The following DNAJA4 variants were observed in gnomAD, a reference collection of about 807,000 sequenced individuals.
DNAJA4 encodes the protein dnaJ homolog subfamily A member 4.
DNAJA4 carries 32 observed loss-of-function variants against 39.7 expected under a neutral mutation model. The observed-to-expected ratio is 0.81, with a 90% CI of 0.61 to 1.08. The LOEUF (loss-of-function observed/expected upper bound fraction) is 1.08, where lower values mean the gene tolerates loss of function less well. Among genes scored for constraint, DNAJA4 ranks in the 50% least tolerant of loss-of-function variants. The pLI is 0.00. For synonymous variants in DNAJA4, 184 were observed against 182.4 expected (o/e 1.01, Z -0.07); for missense variants, 439 against 505.1 (o/e 0.87, Z 1.25).
chr15:78,278,417 TCA>T, intron 5 of DNAJA4: 1 of 405,966 alleles, frequency 2.5e-6, no homozygotes, highest in Non-Finnish European at 5.0e-6. Flanking sequence ...TAGAATGTAC[TCA>T]CACAGACCTA....
Position 78,265,665 on chromosome 15 carries a change from A to G in DNAJA4, c.132+770A>G, listed in dbSNP as rs964400329. ...TTGCTTTTTATCTCTAAAGAGGCTC[A>G]TGACCCACCTGAATAGGTGAATTGA... On this transcript the variant is annotated intron_variant, in intron 1 of 6. Transcript: ENST00000394852. The G allele has an allele frequency of 4.3e-6, 3 of 702,368 alleles. No homozygotes were observed. The East Asian group carries it at 8.0e-5, about 19-fold the overall frequency. The allele number at this position is 702,368 out of a possible 1,614,324, so 43.5% of individuals were successfully genotyped here.
At chr15:78,273,040 T>C (rs2049344922) in intron 2 of DNAJA4, 55 bp from the exon 3 acceptor site, 2 of 1,030,796 alleles carry the variant, frequency 1.9e-6, no homozygotes, top group East Asian at 4.8e-5. Context: ...GGGTGGTATT[T>C]AATACAATGG....
chr15:78,269,638 A>G (rs1194810576), intron 1 of DNAJA4, among the ~76,000 whole-genome samples: 1 of 152,122 alleles, frequency 6.6e-6, no homozygotes, highest in Non-Finnish European at 1.5e-5. Context: ...TATCAAATTC[A>G]AGAAGTTTAA....
chr15:78,271,745 G>C (rs922690040), intron 2 of DNAJA4, among the ~76,000 whole-genome samples: 2 of 152,154 alleles, frequency 1.3e-5, no homozygotes, highest in African/African-American at 4.8e-5. Flanking sequence ...TAATAGACTA[G>C]TTCCCATTCC....
At chr15:78,276,459 G>A (rs1400563188) in intron 5 of DNAJA4, among the ~76,000 whole-genome samples, 1 of 152,228 alleles carries the variant, frequency 6.6e-6, no homozygotes, top group Non-Finnish European at 1.5e-5. Flanking sequence ...TCATCTCCCA[G>A]GAGGGTTGGT....
At chr15:78,277,842 CCTT>C in intron 5 of DNAJA4, 1 of 350,622 alleles carries the variant, frequency 2.9e-6, no homozygotes, top group Admixed American at 3.9e-5. Flanking sequence ...AAATCCATTT[CCTT>C]CTTTATTATA....
intron 5 of DNAJA4, among the ~76,000 whole-genome samples, chr15:78,277,018 T>G (rs2049484514): frequency 6.6e-6 from 1 of 152,230 alleles, no homozygotes; most frequent in Non-Finnish European, 1.5e-5. Flanking sequence ...CTTGATCGGT[T>G]TGTGGAGTTT....
At chr15:78,266,423 C>T in intron 1 of DNAJA4, 1 of 769,290 alleles carries the variant, frequency 1.3e-6, no homozygotes, top group East Asian at 2.8e-5. Flanking sequence ...CCTGTCTGGG[C>T]AGGTTGTTTG....
intron 5 of DNAJA4, chr15:78,278,383 G>C (rs78994386): frequency 4.6e-6 from 2 of 435,994 alleles, no homozygotes; most frequent in Non-Finnish European, 9.3e-6. Context: ...ATTGTTTGGC[G>C]ATGTCGTTGT....
chr15:78,274,752 G>C (rs1053230800), intron 4 of DNAJA4: 2 of 369,348 alleles, frequency 5.4e-6, no homozygotes, highest in African/African-American at 4.2e-5. Context: ...CATTCCTCTA[G>C]AATCTTTCGG....
At position 78,264,625 on chromosome 15, in the gene DNAJA4, AGCG is replaced by A. The variant is rs536756767; in HGVS notation, c.-123_-121del. 3.1e-3 allele frequency: 3,109 copies of A among 990,978 alleles called. 3 individuals carry two copies. The highest frequency in any genetic ancestry group is 4.7e-3 in the African/African-American group (265 of 56,278). 61.4% of individuals were successfully genotyped at this position (990,978 alleles called of 1,614,324 possible). On this transcript the variant is annotated 5_prime_UTR_variant, in exon 1 of 7. Coordinates refer to ENST00000394852, the MANE Select transcript of DNAJA4 (RefSeq NM_001130182.2). Reference sequence around the variant, plus strand: ...GGGCGGGGGGCGGGCGGGAGCTACAAGCGGCGGCGGCGGCGGCGACCGTGACCG... The same window carrying A: ...GGGCGGGGGGCGGGCGGGAGCTACAAGCGGCGGCGGCGGCGACCGTGACCG...
chr15:78,270,914 A>G (rs2049276670), intron 2 of DNAJA4, among the ~76,000 whole-genome samples: 1 of 151,950 alleles, frequency 6.6e-6, no homozygotes, highest in Non-Finnish European at 1.5e-5. Flanking sequence ...AAAATAAAAA[A>G]CTTAGCCAGG....
chr15:78,264,847 G>A lies in DNAJA4; in HGVS notation c.84G>A (p.Lys28=). Reference sequence around the variant, plus strand: ...AGGAGATCAAGAAGGCCTATCGGAAGCTGGCGCTCAAGTACCACCCGGACA... The same window carrying A: ...AGGAGATCAAGAAGGCCTATCGGAAACTGGCGCTCAAGTACCACCCGGACA... ...SPEEIKKAYR[K]LALKYHPDKN... is the part of the protein sequence containing the mutation. Residue 28 remains lysine, a synonymous_variant, in exon 1 of 7, where the codon AAG becomes AAA. Coordinates refer to ENST00000394852, the MANE Select transcript of DNAJA4 (RefSeq NM_001130182.2). 1 of 1,609,434 alleles carries A rather than the reference G, an allele frequency of 6.2e-7. No individual in the cohort carries two copies. Among genetic ancestry groups the A allele is most frequent in the Non-Finnish European group, 8.5e-7 (1 of 1,177,936 alleles).
At chr15:78,278,335 T>C in intron 5 of DNAJA4, 1 of 453,986 alleles carries the variant, frequency 2.2e-6, no homozygotes. Flanking sequence ...AAACCAGTCA[T>C]ATGTAACTTA....
rs10152846 is a variant in DNAJA4 at position 78,266,515 on chromosome 15, C to T, written c.132+1620C>T. ...TGAGGCCCTTGGCAGTGAGGTCTGG[C>T]AGGCCCATCAGCTTGGAGGGAAGGG... On this transcript the variant is annotated intron_variant, in intron 1 of 6. Transcript: ENST00000394852. 0.37 allele frequency among the ~76,000 whole-genome samples: 56,181 copies of T among 151,990 alleles called. 10,671 individuals carry two copies. The highest frequency in any genetic ancestry group is 0.43 in the Middle Eastern group (127 of 294).
chr15:78,264,309 C>G, upstream of DNAJA4: 1 of 1,392,702 alleles, frequency 7.2e-7, no homozygotes, highest in East Asian at 3.1e-5. Context: ...TCTCCGGCCC[C>G]CGCCATGGCC....
upstream of DNAJA4, chr15:78,264,425 G>T (rs1043367205): frequency 2.4e-5 from 32 of 1,358,030 alleles, no homozygotes; most frequent in Middle Eastern, 4.7e-4. Flanking sequence ...GACGGGCGTC[G>T]GGGGTCTGGG....
chr15:78,275,789 A>C (rs1441384899), intron 5 of DNAJA4, 61 bp downstream of exon 5: 33 of 1,225,446 alleles, frequency 2.7e-5, no homozygotes, highest in Middle Eastern at 2.7e-4. Context: ...AATTCTGGCA[A>C]GTTAGCCTGA....
chr15:78,275,807 A>C (rs1267331998), intron 5 of DNAJA4, 79 bp downstream of exon 5: 1 of 971,784 alleles, frequency 1.0e-6, no homozygotes. Context: ...TGATTTTTTT[A>C]TTGCTACATA....
Sources: allele counts gnomAD v4.1 joint callset (sites outside exome capture counted in the v4.1 genomes callset), GRCh38; gene constraint gnomAD v4.1.1; transcripts MANE v1.5; gene names NCBI Gene and HGNC (gene_info 2026-07-23, HGNC 2026-07-21).